PTPRD: variants seen among roughly 807,000 people sequenced by gnomAD.
PTPRD encodes the protein protein tyrosine phosphatase receptor type D.
In PTPRD, 34 loss-of-function variants were observed where a neutral mutation model predicts 214.5. The observed-to-expected ratio is 0.16, with a 90% CI of 0.12 to 0.21. PTPRD has a LOEUF of 0.21. Among genes scored for constraint, PTPRD ranks in the 10% least tolerant of loss-of-function variants. PTPRD has a pLI of 1.00. For synonymous variants in PTPRD, 1,128 were observed against 845.7 expected (o/e 1.33, Z -5.79); for missense variants, 2,545 against 2,398.7 (o/e 1.06, Z -1.27).
At chr9:9,434,947 A>T (rs1042616651) in intron 8 of PTPRD, among the ~76,000 whole-genome samples, 3 of 150,602 alleles carry the variant, frequency 2.0e-5, no homozygotes, top group African/African-American at 7.3e-5. Flanking sequence ...TTAGACTTTG[A>T]TAATAATACC....
intron 3 of PTPRD, among the ~76,000 whole-genome samples, chr9:10,212,279 T>C (rs754357587): frequency 8.5e-5 from 13 of 152,072 alleles, no homozygotes; most frequent in Non-Finnish European, 1.3e-4. Flanking sequence ...CCATAAAAAA[T>C]GGAACTCATA....
intron 2 of PTPRD, among the ~76,000 whole-genome samples, chr9:10,490,591 C>T (rs890485716): frequency 1.6e-4 from 25 of 152,104 alleles, no homozygotes; most frequent in Admixed American, 1.6e-3. Flanking sequence ...ATTAGTTTGG[C>T]TTGAAATTTA....
intron 8 of PTPRD, among the ~76,000 whole-genome samples, chr9:9,512,437 G>A (rs2096732227): frequency 6.6e-6 from 1 of 151,754 alleles, no homozygotes; most frequent in African/African-American, 2.4e-5. Flanking sequence ...TTCACATAAA[G>A]TAACAGTCTT....
chr9:10,472,829 T>C (rs1004958226), intron 2 of PTPRD, among the ~76,000 whole-genome samples: 1 of 152,066 alleles, frequency 6.6e-6, no homozygotes, highest in Non-Finnish European at 1.5e-5. Flanking sequence ...AAAACAATCA[T>C]TATAATTATA....
At chr9:10,431,009 G>A (rs1170742030) in intron 2 of PTPRD, among the ~76,000 whole-genome samples, 2 of 151,894 alleles carry the variant, frequency 1.3e-5, no homozygotes, top group Non-Finnish European at 2.9e-5. Flanking sequence ...AATGTCATCT[G>A]AATGCTTATC....
intron 10 of PTPRD, among the ~76,000 whole-genome samples, chr9:9,019,207 A>C (rs72692858): frequency 0.32 from 47,609 of 151,058 alleles, 8,050 homozygotes; most frequent in Non-Finnish European, 0.38. Context: ...ACAACATCAC[A>C]GGATTTTTAT....
At chr9:9,462,955 T>C (rs1156294854) in intron 8 of PTPRD, among the ~76,000 whole-genome samples, 1 of 152,196 alleles carries the variant, frequency 6.6e-6, no homozygotes, top group African/African-American at 2.4e-5. Context: ...GTTTAAGGAA[T>C]TTAAACATTT....
chr9:10,290,591 A>G (rs1032778405), intron 3 of PTPRD, among the ~76,000 whole-genome samples: 2 of 152,156 alleles, frequency 1.3e-5, no homozygotes, highest in Non-Finnish European at 2.9e-5. Context: ...AAATTAAGGA[A>G]TTATATTATT....
At chr9:10,542,770 G>A (rs1371571460) in intron 2 of PTPRD, among the ~76,000 whole-genome samples, 2 of 152,020 alleles carry the variant, frequency 1.3e-5, no homozygotes, top group South Asian at 2.1e-4. Context: ...CCAGGCTGGA[G>A]TGCAATGGTG....
At chr9:10,405,659 T>C (rs1325420780) in intron 2 of PTPRD, among the ~76,000 whole-genome samples, 1 of 151,616 alleles carries the variant, frequency 6.6e-6, no homozygotes, top group East Asian at 2.0e-4. Context: ...AGAAATTTTG[T>C]AGTGATCCAA....
intron 3 of PTPRD, among the ~76,000 whole-genome samples, chr9:10,229,111 T>C (rs1406171998): frequency 6.6e-6 from 1 of 152,030 alleles, no homozygotes; most frequent in Non-Finnish European, 1.5e-5. Context: ...ATGCTCATCA[T>C]CACTGGCCAT....
intron 3 of PTPRD, among the ~76,000 whole-genome samples, chr9:10,137,951 A>G (rs1401868873): frequency 6.6e-6 from 1 of 152,080 alleles, no homozygotes; most frequent in Non-Finnish European, 1.5e-5. Flanking sequence ...AAATATACCA[A>G]ATTAATAATC....
At chr9:8,397,268 G>A (rs12376680) in intron 36 of PTPRD, among the ~76,000 whole-genome samples, 21,893 of 151,974 alleles carry the variant, frequency 0.14, 1,849 homozygotes, top group Non-Finnish European at 0.19. Context: ...GAAATCCGGA[G>A]GGAGAAAAAG....
At chr9:10,586,845 G>A (rs887985307) in intron 2 of PTPRD, among the ~76,000 whole-genome samples, 5 of 150,404 alleles carry the variant, frequency 3.3e-5, no homozygotes, top group African/African-American at 1.2e-4. Flanking sequence ...TCAGATTCAG[G>A]ATTGCTCTCA....
At chr9:8,696,279 T>C (rs1014812320) in intron 12 of PTPRD, among the ~76,000 whole-genome samples, 7 of 152,226 alleles carry the variant, frequency 4.6e-5, no homozygotes, top group African/African-American at 1.7e-4. Context: ...CTTTCCCTTA[T>C]CTTGCAGATG....
chr9:9,218,688 G>A (rs2099953882), intron 9 of PTPRD, among the ~76,000 whole-genome samples: 1 of 152,036 alleles, frequency 6.6e-6, no homozygotes, highest in Non-Finnish European at 1.5e-5. Flanking sequence ...TAAGACTGGT[G>A]AGCACTGCAA....
chr9:9,301,000 A>G (rs75283354), intron 9 of PTPRD, among the ~76,000 whole-genome samples: 211 of 151,930 alleles, frequency 1.4e-3, no homozygotes, highest in Non-Finnish European at 2.2e-3. Context: ...CACCAGCACT[A>G]TGTTAATATT....
chr9:10,243,265 C>T (rs2091464860), intron 3 of PTPRD, among the ~76,000 whole-genome samples: 1 of 151,972 alleles, frequency 6.6e-6, no homozygotes, highest in African/African-American at 2.4e-5. Flanking sequence ...CATTTATATG[C>T]TATCTTTTGT....
chr9:9,406,132 T>A (rs2073233825), intron 8 of PTPRD, among the ~76,000 whole-genome samples: 1 of 152,020 alleles, frequency 6.6e-6, no homozygotes, highest in Non-Finnish European at 1.5e-5. Context: ...AATAGGATTT[T>A]AAGGAGAATG....
Sources: gnomAD v4.1 joint callset for allele counts (sites outside exome capture counted in the v4.1 genomes callset) on GRCh38, gnomAD v4.1.1 for gene constraint, MANE v1.5 for transcripts, NCBI Gene and HGNC (gene_info 2026-07-23, HGNC 2026-07-21) for gene names.